GNB1: variants seen among roughly 807,000 people sequenced by gnomAD.
GNB1 encodes the protein G protein subunit beta 1, also known as guanine nucleotide-binding protein G(I)/G(S)/G(T) subunit beta-1.
In GNB1, 2 loss-of-function variants were observed where a neutral mutation model predicts 42.9. That is an observed-to-expected ratio of 0.05 (90% CI 0.02 to 0.15). The LOEUF (loss-of-function observed/expected upper bound fraction) is 0.15, where lower values mean the gene tolerates loss of function less well. GNB1 is among the 10% of genes least tolerant of loss of function. GNB1 has a pLI of 1.00. For missense variants in GNB1, 193 were observed against 462.2 expected (o/e 0.42, Z 5.34); for synonymous variants, 183 against 174.7 (o/e 1.05, Z -0.38).
rs1646554170 is a variant in GNB1 at position 1,796,893 on chromosome 1, C to T, written c.431-3582G>A. ...TTAAAGTCCAGGAGAGAGGGGGTGG[C>T]TTGAAGAGAGGCACGGCAGAGAGTG... is the stretch of plus-strand genomic sequence containing the variant. On this transcript the variant is annotated intron_variant, in intron 7 of 11. Coordinates refer to ENST00000378609, the MANE Select transcript of GNB1 (RefSeq NM_002074.5). 2.0e-5 allele frequency among the ~76,000 whole-genome samples: 3 copies of T among 152,138 alleles called. No homozygotes were observed. In the South Asian group the frequency reaches 6.2e-4, roughly 32 times the overall value.
chr1:1,806,362 T>C, intron 6 of GNB1, 113 bp downstream of exon 6: 1 of 644,654 alleles, frequency 1.6e-6, no homozygotes, highest in East Asian at 2.8e-5. Flanking sequence ...AAACAGAGCT[T>C]GCCGCTGCTG....
rs1231569914 is a variant in GNB1 at position 1,830,407 on chromosome 1, G to A, written c.-46-4908C>T. 2.6e-5 allele frequency among the ~76,000 whole-genome samples: 4 copies of A among 151,742 alleles called. No individual in the cohort carries two copies. The East Asian group carries it at 5.8e-4, about 22-fold the overall frequency. The stretch of plus-strand genomic sequence containing the variant: ...TCTCCGAGTAGCTGGGACTACAGGC[G>A]CCCGCCACCACGCCCAGCTAATTTT... On this transcript the variant is annotated intron_variant, in intron 2 of 11. Coordinates refer to ENST00000378609, the MANE Select transcript of GNB1 (RefSeq NM_002074.5).
intron 3 of GNB1, among the ~76,000 whole-genome samples, chr1:1,819,513 G>A (rs1159367386): frequency 4.6e-5 from 7 of 151,582 alleles, no homozygotes; most frequent in Admixed American, 4.6e-4. Flanking sequence ...GAGCCACCCC[G>A]CCTGGCCTCT....
chr1:1,827,736 T>C (rs1647018892), intron 2 of GNB1, among the ~76,000 whole-genome samples: 1 of 152,216 alleles, frequency 6.6e-6, no homozygotes, highest in African/African-American at 2.4e-5. Context: ...GATCAAATTA[T>C]ATTATGCACA....
chr1:1,819,396 T>C (rs1010600611), intron 3 of GNB1, among the ~76,000 whole-genome samples: 7 of 151,996 alleles, frequency 4.6e-5, no homozygotes, highest in Non-Finnish European at 8.8e-5. Context: ...TAATTTAGTA[T>C]TTTTAGTAGA....
At chr1:1,798,546 A>G (rs1646577742) in intron 7 of GNB1, among the ~76,000 whole-genome samples, 1 of 152,170 alleles carries the variant, frequency 6.6e-6, no homozygotes, top group South Asian at 2.1e-4. Context: ...ATGTATCTGT[A>G]GCCATCTTGA....
chr1:1,819,192 AGTGTTGGTATAATTTTTTTT>A, intron 3 of GNB1, among the ~76,000 whole-genome samples: 1 of 152,034 alleles, frequency 6.6e-6, no homozygotes, highest in South Asian at 2.1e-4. Flanking sequence ...TTAAAGTTTG[AGTGTTGGTATAATTTTTTTT>A]TTAATCACAA....
At chr1:1,890,762 A>C (rs1570774634) in intron 1 of GNB1, 58 bp downstream of exon 1, 1 of 146,498 alleles carries the variant, frequency 6.8e-6, no homozygotes. Flanking sequence ...GGGCGCCCCC[A>C]GGGCGGGCGG....
At chr1:1,837,445 G>A (rs370815072) in intron 2 of GNB1, among the ~76,000 whole-genome samples, 5 of 151,796 alleles carry the variant, frequency 3.3e-5, no homozygotes, top group African/African-American at 9.7e-5. Context: ...CAGTAGAGAC[G>A]GGGTTTCATC....
intron 8 of GNB1, among the ~76,000 whole-genome samples, chr1:1,792,861 T>G (rs1196421613): frequency 1.3e-5 from 2 of 151,824 alleles, no homozygotes; most frequent in African/African-American, 2.4e-5. Flanking sequence ...AGGTCAGGAG[T>G]TCAGGACCAG....
intron 3 of GNB1, among the ~76,000 whole-genome samples, chr1:1,824,475 T>A (rs1488070529): frequency 6.6e-6 from 1 of 152,190 alleles, no homozygotes; most frequent in Admixed American, 6.5e-5. Flanking sequence ...CAATTTAACA[T>A]CCTACATCAG....
intron 9 of GNB1, among the ~76,000 whole-genome samples, chr1:1,789,507 A>G (rs1434709619): frequency 2.6e-5 from 4 of 152,118 alleles, no homozygotes; most frequent in Non-Finnish European, 5.9e-5. Context: ...AGCCTGACCA[A>G]CATAGAGAAA....
chr1:1,862,443 G>A (rs528387580), intron 1 of GNB1, among the ~76,000 whole-genome samples: 32 of 152,078 alleles, frequency 2.1e-4, no homozygotes, highest in African/African-American at 6.5e-4. Context: ...TCTATTACCC[G>A]GTAGTGTAAA....
intron 1 of GNB1, among the ~76,000 whole-genome samples, chr1:1,858,492 C>G (rs1456233618): frequency 6.6e-6 from 1 of 152,080 alleles, no homozygotes; most frequent in East Asian, 1.9e-4. Flanking sequence ...ACCCCGAAGA[C>G]TTAATTTTGA....
intron 2 of GNB1, among the ~76,000 whole-genome samples, chr1:1,829,485 G>A (rs1358970274): frequency 2.6e-5 from 4 of 152,188 alleles, no homozygotes; most frequent in African/African-American, 7.2e-5. Flanking sequence ...CAGTGAACTG[G>A]CTGATGGGAT....
intron 1 of GNB1, among the ~76,000 whole-genome samples, chr1:1,840,165 T>A (rs1044033983): frequency 6.7e-6 from 1 of 149,238 alleles, no homozygotes; most frequent in African/African-American, 2.5e-5. Flanking sequence ...AAGGTGGAGG[T>A]TGTAGTGAGT....
intron 7 of GNB1, among the ~76,000 whole-genome samples, chr1:1,799,872 A>G (rs2100636205): frequency 6.6e-6 from 1 of 152,326 alleles, no homozygotes; most frequent in South Asian, 2.1e-4. Flanking sequence ...AAGCGAAAGG[A>G]TAACAACTAC....
At chr1:1,876,300 G>A (rs1275313827) in intron 1 of GNB1, among the ~76,000 whole-genome samples, 1 of 152,076 alleles carries the variant, frequency 6.6e-6, no homozygotes, top group African/African-American at 2.4e-5. Flanking sequence ...GATCAGCTTG[G>A]AGAAGGACTT....
chr1:1,837,741 T>G (rs1338232072), intron 2 of GNB1, among the ~76,000 whole-genome samples: 1 of 150,880 alleles, frequency 6.6e-6, no homozygotes, highest in Non-Finnish European at 1.5e-5. Context: ...TTCCTTTGTA[T>G]TTTCGTAGAG....
Sources: gnomAD v4.1 joint callset for allele counts (sites outside exome capture counted in the v4.1 genomes callset) on GRCh38, gnomAD v4.1.1 for gene constraint, MANE v1.5 for transcripts, NCBI Gene and HGNC (gene_info 2026-07-23, HGNC 2026-07-21) for gene names.